The following EYA2 variants were observed in gnomAD, a reference collection of about 807,000 sequenced individuals.
The protein encoded by EYA2 is EYA transcriptional coactivator and phosphatase 2, also known as protein phosphatase EYA2.
A neutral mutation model predicts 69.2 loss-of-function variants in EYA2; 31 were observed. The observed-to-expected ratio is 0.45, with a 90% CI of 0.34 to 0.60. The LOEUF is 0.60. Ranked by LOEUF, EYA2 falls within the 20% of genes least tolerant of loss-of-function variation. The pLI, the probability that EYA2 is intolerant of heterozygous loss-of-function variation, is 0.02. For missense variants in EYA2, 622 were observed against 701.2 expected (o/e 0.89, Z 1.28); for synonymous variants, 257 against 279.4 (o/e 0.92, Z 0.80).
chr20:46,932,137 C>T (rs1016032464), intron 1 of EYA2, among the ~76,000 whole-genome samples: 1 of 151,846 alleles, frequency 6.6e-6, no homozygotes, highest in African/African-American at 2.4e-5. Context: ...CCTCGCCCCC[C>T]GCCTAATAAG....
intron 1 of EYA2, among the ~76,000 whole-genome samples, chr20:46,921,676 G>A (rs1276040784): frequency 6.6e-6 from 1 of 152,138 alleles, no homozygotes; most frequent in East Asian, 1.9e-4. Flanking sequence ...ATAGAATGTA[G>A]CCATCTTGCT....
chr20:47,023,630 G>GTGTT (rs1983889636), intron 5 of EYA2, among the ~76,000 whole-genome samples: 1 of 43,492 alleles, frequency 2.3e-5, no homozygotes. Flanking sequence ...TTGATTTTGG[G>GTGTT]TGTTTTTTTT....
intron 9 of EYA2, among the ~76,000 whole-genome samples, chr20:47,116,251 C>G (rs976901212): frequency 7.1e-6 from 1 of 141,216 alleles, no homozygotes; most frequent in Non-Finnish European, 1.5e-5. Context: ...AATCTTGGCT[C>G]ACTGCAACCT....
intron 12 of EYA2, among the ~76,000 whole-genome samples, chr20:47,175,513 TATACA>T (rs1360339310): frequency 3.6e-4 from 55 of 151,414 alleles, no homozygotes; most frequent in African/African-American, 1.3e-3. Flanking sequence ...GTGTCTGCAA[TATACA>T]CAATATACAC....
chr20:47,117,408 C>T (rs2032928989), intron 9 of EYA2: 3 of 985,438 alleles, frequency 3.0e-6, no homozygotes, highest in East Asian at 1.1e-4. Flanking sequence ...GCTTTTCTTG[C>T]AGATCCAGAG....
chr20:47,069,177 A>T (rs966738881), intron 5 of EYA2, among the ~76,000 whole-genome samples: 2 of 152,190 alleles, frequency 1.3e-5, no homozygotes, highest in Non-Finnish European at 2.9e-5. Context: ...ACAAAGTTGG[A>T]GAACTTATAC....
chr20:47,040,664 C>T (rs905124353), intron 5 of EYA2, among the ~76,000 whole-genome samples: 4 of 152,196 alleles, frequency 2.6e-5, no homozygotes, highest in African/African-American at 9.7e-5. Context: ...TTAATCACAG[C>T]CACACAACAG....
chr20:47,064,644 A>AT (rs1298773046), intron 5 of EYA2, among the ~76,000 whole-genome samples: 1 of 152,004 alleles, frequency 6.6e-6, no homozygotes, highest in Non-Finnish European at 1.5e-5. Context: ...TCACCAACAC[A>AT]TTTTTTCTTT....
At chr20:46,924,876 G>A (rs536935533) in intron 1 of EYA2, among the ~76,000 whole-genome samples, 19 of 152,152 alleles carry the variant, frequency 1.2e-4, no homozygotes, top group Non-Finnish European at 2.8e-4. Flanking sequence ...TGGGACTGAT[G>A]TAAAAAAGTA....
At chr20:46,973,388 C>A (rs1980256634) in intron 1 of EYA2, among the ~76,000 whole-genome samples, 1 of 152,200 alleles carries the variant, frequency 6.6e-6, no homozygotes, top group African/African-American at 2.4e-5. Flanking sequence ...ATAAGCAAAT[C>A]TACTGTGCAG....
At chr20:47,136,533 A>G (rs561721352) in intron 9 of EYA2, among the ~76,000 whole-genome samples, 2 of 152,076 alleles carry the variant, frequency 1.3e-5, no homozygotes, top group South Asian at 2.1e-4. Flanking sequence ...CACTTGAACC[A>G]AGGAGTTTGA....
Position 47,182,628 on chromosome 20 carries a change from T to TCAAAAAAAAAAAAAAAAAAAAAA in EYA2, c.1436-663_1436-662insCAAAAAAAAAAAAAAAAAAAAAA, listed in dbSNP as rs779945744. ...TGGGCAACAAGAACGAGACTCCGTC[T>TCAAAAAAAAAAAAAAAAAAAAAA]AAAAAAAAAAAAAAAAGGTTAAGAT... On this transcript the variant is annotated intron_variant, in intron 14 of 15. Transcript: ENST00000327619. Among the ~76,000 whole-genome samples the TCAAAAAAAAAAAAAAAAAAAAAA allele has an allele frequency of 1.8e-4, 15 of 84,352 alleles. 4 individuals are homozygous for TCAAAAAAAAAAAAAAAAAAAAAA. Among genetic ancestry groups the TCAAAAAAAAAAAAAAAAAAAAAA allele is most frequent in the African/African-American group, 6.5e-4 (10 of 15,302 alleles). The allele number at this position is 84,352 out of a possible 152,430, so 55.3% of individuals were successfully genotyped here.
At chr20:47,059,186 G>C (rs1262200612) in intron 5 of EYA2, among the ~76,000 whole-genome samples, 1 of 152,162 alleles carries the variant, frequency 6.6e-6, no homozygotes, top group Non-Finnish European at 1.5e-5. Context: ...GGGAGGGACC[G>C]GCTTCTGAGG....
intron 5 of EYA2, among the ~76,000 whole-genome samples, chr20:47,017,991 T>C (rs1176331355): frequency 6.6e-6 from 1 of 152,222 alleles, no homozygotes; most frequent in Non-Finnish European, 1.5e-5. Flanking sequence ...CTCTCACGTC[T>C]GTGTCCCCAG....
chr20:47,185,165 G>A (rs542650838), intron 15 of EYA2, among the ~76,000 whole-genome samples: 57 of 152,036 alleles, frequency 3.7e-4, no homozygotes, highest in African/African-American at 1.3e-3. Context: ...ACCTCTTCAC[G>A]AGTGATGAAT....
At chr20:47,085,584 T>TGCAGTGAGCC (rs2031869363) in intron 7 of EYA2, among the ~76,000 whole-genome samples, 1 of 151,264 alleles carries the variant, frequency 6.6e-6, no homozygotes, top group South Asian at 2.1e-4. Context: ...AGGCGGAGGT[T>TGCAGTGAGCC]GCAGTGAGCC....
At chr20:47,085,951 TAAG>T (rs1050647229) in intron 7 of EYA2, among the ~76,000 whole-genome samples, 65 of 152,186 alleles carry the variant, frequency 4.3e-4, no homozygotes, top group African/African-American at 1.4e-3. Flanking sequence ...CGTCAAAACT[TAAG>T]AAATTGTGTA....
intron 11 of EYA2, among the ~76,000 whole-genome samples, chr20:47,171,331 A>T (rs1337810597): frequency 1.3e-5 from 2 of 152,204 alleles, no homozygotes; most frequent in African/African-American, 2.4e-5. Flanking sequence ...TTCAAGAAAT[A>T]TTTATGGAGT....
intron 5 of EYA2, among the ~76,000 whole-genome samples, chr20:47,020,893 T>C (rs189639365): frequency 6.6e-6 from 1 of 152,360 alleles, no homozygotes; most frequent in East Asian, 1.9e-4. Flanking sequence ...TTCCTTAGCA[T>C]GGTAGTTAAA....
Sources: allele counts gnomAD v4.1 joint callset (sites outside exome capture counted in the v4.1 genomes callset), GRCh38; gene constraint gnomAD v4.1.1; transcripts MANE v1.5; gene names NCBI Gene and HGNC (gene_info 2026-07-23, HGNC 2026-07-21).